Variants in GRM3 observed in about 807,000 individuals in gnomAD.
GRM3 encodes metabotropic glutamate receptor 3.
A neutral mutation model predicts 70.5 loss-of-function variants in GRM3; 26 were observed. That is an observed-to-expected ratio of 0.37 (90% confidence interval 0.27 to 0.51). The LOEUF (loss-of-function observed/expected upper bound fraction) is 0.51. GRM3 is among the 20% of genes least tolerant of loss of function. The pLI, the probability that GRM3 is intolerant of heterozygous loss-of-function variation, is 0.93. For missense variants in GRM3, 859 were observed against 1,123.8 expected (o/e 0.76, Z 3.37); for synonymous variants, 443 against 434.9 (o/e 1.02, Z -0.23).
intron 1 of GRM3, among the ~76,000 whole-genome samples, chr7:86,685,906 CA>C (rs71117516): frequency 5.3e-3 from 391 of 74,368 alleles, no homozygotes; most frequent in South Asian, 0.011. Flanking sequence ...ACTCTGTCTC[CA>C]AAAAAAAAAA....
At chr7:86,776,140 C>T (rs2116476347) in intron 2 of GRM3, 1 of 152,274 alleles carries the variant, frequency 6.6e-6, no homozygotes, top group South Asian at 2.1e-4. Flanking sequence ...CTCTCTATTG[C>T]TTCTTGAGCA....
At chr7:86,762,626 G>A (rs77058358) in intron 1 of GRM3, among the ~76,000 whole-genome samples, 1 of 152,008 alleles carries the variant, frequency 6.6e-6, no homozygotes, top group Non-Finnish European at 1.5e-5. Context: ...AATCAAAATA[G>A]CAATAGCAAA....
rs1398728364 is a variant in GRM3, at chr7:86,786,422, G to T, written c.630G>T (p.Trp210Cys). 1 of 1,614,186 alleles carries T rather than the reference G, an allele frequency of 6.2e-7. No individual in the cohort carries two copies. Among genetic ancestry groups the T allele is most frequent in the Admixed American group, 1.7e-5 (1 of 60,026 alleles). Residue 210 changes from tryptophan to cysteine, a missense_variant, in exon 3 of 6, where the codon TGG (tryptophan) becomes TGT (cysteine). Transcript: ENST00000361669. This position sits in a 1 kb window ranked among gnomAD's most constrained non-coding sequence, Gnocchi z 6.0. ...CTGAGATCTTGCGCTTCTTCAACTG[G>T]ACCTACGTGTCCACAGTAGCCTCCG... is the stretch of plus-strand genomic sequence containing the variant. ...AMAEILRFFN[W>C]TYVSTVASEG...
chr7:86,855,469 T>C (rs1028836525), intron 5 of GRM3, among the ~76,000 whole-genome samples: 4 of 152,184 alleles, frequency 2.6e-5, no homozygotes, highest in African/African-American at 9.7e-5. Context: ...GTCATTATCA[T>C]GAAGATCAGC....
chr7:86,666,599 T>C lies in GRM3; in HGVS notation c.-141+21727T>C, dbSNP rs146030639. ...TTTGTTATTGTTTATTTGTTTTCAT[T>C]ATTCAGATTCTCCAAATAGCTCTTC... On this transcript the variant is annotated intron_variant, in intron 1 of 5. Coordinates refer to ENST00000361669, the MANE Select transcript of GRM3 (RefSeq NM_000840.3). 3.5e-3 allele frequency among the ~76,000 whole-genome samples: 534 copies of C among 152,248 alleles called. 4 individuals carry two copies. Among genetic ancestry groups the C allele is most frequent in the African/African-American group, 0.012 (507 of 41,568 alleles).
At chr7:86,671,694 A>T (rs1298441267) in intron 1 of GRM3, among the ~76,000 whole-genome samples, 1 of 152,168 alleles carries the variant, frequency 6.6e-6, no homozygotes, top group African/African-American at 2.4e-5. Context: ...TCTGCTTCTC[A>T]TGTCAACTGC....
chr7:86,675,434 T>C (rs923293961), intron 1 of GRM3, among the ~76,000 whole-genome samples: 3 of 152,050 alleles, frequency 2.0e-5, no homozygotes, highest in Admixed American at 2.0e-4. Context: ...AAAACACAAG[T>C]AATCCTAGCC....
At chr7:86,768,549 G>A (rs1232174908) in intron 2 of GRM3, among the ~76,000 whole-genome samples, 1 of 152,164 alleles carries the variant, frequency 6.6e-6, no homozygotes, top group Non-Finnish European at 1.5e-5. Flanking sequence ...AGCTCACAAA[G>A]TAAGAAATGA....
chr7:86,722,140 G>C (rs1015675757), intron 1 of GRM3, among the ~76,000 whole-genome samples: 2 of 151,952 alleles, frequency 1.3e-5, no homozygotes, highest in Non-Finnish European at 2.9e-5. Context: ...CAGATTCCCA[G>C]ACCCTTCCCC....
In GRM3 at chr7:86,853,141, G is replaced by T. The variant is rs190845136; in HGVS notation, c.2566+2597G>T. On this transcript the variant is annotated intron_variant, in intron 5 of 5. Coordinates refer to ENST00000361669, the MANE Select transcript of GRM3 (RefSeq NM_000840.3). Reference sequence around the variant, plus strand: ...TACTGTAGACTGTAAGCCATTATTGGGTCATGAAATTTAGTATCTTTGGCC... The same window carrying T: ...TACTGTAGACTGTAAGCCATTATTGTGTCATGAAATTTAGTATCTTTGGCC... Among the ~76,000 whole-genome samples the T allele has an allele frequency of 5.3e-5, 8 of 152,082 alleles. No homozygotes were observed. The East Asian group carries it at 1.2e-3, about 22-fold the overall frequency.
At chr7:86,708,821 C>A (rs1372425667) in intron 1 of GRM3, among the ~76,000 whole-genome samples, 2 of 152,014 alleles carry the variant, frequency 1.3e-5, no homozygotes, top group African/African-American at 4.8e-5. Context: ...CTGAGCATAC[C>A]TTTAAAGTTT....
intron 3 of GRM3, among the ~76,000 whole-genome samples, chr7:86,820,774 C>T (rs374474588): frequency 6.6e-6 from 1 of 151,952 alleles, no homozygotes; most frequent in Non-Finnish European, 1.5e-5. Context: ...TTTTATGTTC[C>T]CTGAGAGGAA....
intron 3 of GRM3, among the ~76,000 whole-genome samples, chr7:86,808,856 C>A (rs575064418): frequency 6.6e-6 from 1 of 151,958 alleles, no homozygotes; most frequent in African/African-American, 2.4e-5. Flanking sequence ...ACCAGTGTGG[C>A]TAGATGGAGT....
At chr7:86,844,103 A>G (rs1482201673) in intron 4 of GRM3, among the ~76,000 whole-genome samples, 1 of 152,184 alleles carries the variant, frequency 6.6e-6, no homozygotes, top group Non-Finnish European at 1.5e-5. Context: ...GAGTAGGCAG[A>G]GTCTTGGGAA....
rs1796567208 is a variant in GRM3 at position 86,765,076 on chromosome 7, A to T, written c.-70A>T. 2.7e-6 allele frequency: 4 copies of T among 1,504,962 alleles called. No homozygotes were observed. In the South Asian group the frequency reaches 5.6e-5, roughly 21 times the overall value. The allele number at this position is 1,504,962 out of a possible 1,614,324, so 93.2% of individuals were successfully genotyped here. On this transcript the variant is annotated 5_prime_UTR_variant, in exon 2 of 6. Transcript: ENST00000361669. ...GGACAGGCCAAAGATCCAGTTTGGA[A>T]ATGAGAGAGGACTAGCATGACACAT...
chr7:86,831,888 C>T (rs370883282), intron 3 of GRM3, among the ~76,000 whole-genome samples: 3 of 151,314 alleles, frequency 2.0e-5, no homozygotes, highest in South Asian at 4.2e-4. Flanking sequence ...GTTTTCCACA[C>T]GTAAGACTGA....
At position 86,718,741 on chromosome 7, in the gene GRM3, C is replaced by G. The variant is rs1177052425; in HGVS notation, c.-140-46265C>G. Among the ~76,000 whole-genome samples, 3 of 151,844 alleles carry G rather than the reference C, an allele frequency of 2.0e-5. No individual in the cohort carries two copies. The East Asian group carries it at 5.8e-4, about 29-fold the overall frequency. On this transcript the variant is annotated intron_variant, in intron 1 of 5. Coordinates refer to ENST00000361669, the MANE Select transcript of GRM3 (RefSeq NM_000840.3). ...TTAACATTTATTACTTAATTTGTGG[C>G]CAAAAGCAATTCAACCCCTCAAAAC... is the stretch of plus-strand genomic sequence containing the variant.
At chr7:86,792,111 G>A (rs1296875646) in intron 3 of GRM3, among the ~76,000 whole-genome samples, 1 of 152,176 alleles carries the variant, frequency 6.6e-6, no homozygotes, top group Non-Finnish European at 1.5e-5. Context: ...AACATCTAAA[G>A]AAATGGAATA....
intron 1 of GRM3, among the ~76,000 whole-genome samples, chr7:86,711,414 T>C (rs1584185663): frequency 6.6e-6 from 1 of 152,240 alleles, no homozygotes; most frequent in East Asian, 1.9e-4. Flanking sequence ...ACAATATTAT[T>C]TGGTGGCATG....
Sources: gnomAD v4.1 joint callset for allele counts (sites outside exome capture counted in the v4.1 genomes callset) on GRCh38, gnomAD v4.1.1 for gene constraint, Gnocchi (gnomAD v3.1) non-coding constraint, MANE v1.5 for transcripts, NCBI Gene and HGNC (gene_info 2026-07-23, HGNC 2026-07-21) for gene names.